The following DPF3 variants were observed in gnomAD, a reference collection of about 807,000 sequenced individuals.
DPF3 encodes double PHD fingers 3.
A neutral mutation model predicts 56.8 loss-of-function variants in DPF3; 18 were observed. That is an observed-to-expected ratio of 0.32 (90% CI 0.22 to 0.47). The LOEUF (loss-of-function observed/expected upper bound fraction) is 0.47. Among genes scored for constraint, DPF3 ranks in the 20% least tolerant of loss-of-function variants. The probability of loss-of-function intolerance (pLI) is 1.00; values close to 1 mark genes in which losing one functional copy is unlikely to be tolerated. For synonymous variants in DPF3, 188 were observed against 180.2 expected, an observed-to-expected ratio of 1.04 and a Z score of -0.35; for missense variants, 403 against 488.8, an observed-to-expected ratio of 0.82 and a Z score of 1.65.
intron 1 of DPF3, among the ~76,000 whole-genome samples, chr14:72,778,186 G>A (rs1891825828): frequency 6.6e-6 from 1 of 152,126 alleles, no homozygotes; most frequent in African/African-American, 2.4e-5. Context: ...TTAAGCCAGG[G>A]GTCCCAAACC....
chr14:72,644,209 G>A (rs1390997009), intron 8 of DPF3, among the ~76,000 whole-genome samples: 1 of 152,142 alleles, frequency 6.6e-6, no homozygotes, highest in Non-Finnish European at 1.5e-5. Context: ...GGAGCTCCAT[G>A]GGAGTACAAC....
At chr14:72,835,425 G>A (rs1376877448) in intron 1 of DPF3, among the ~76,000 whole-genome samples, 1 of 152,202 alleles carries the variant, frequency 6.6e-6, no homozygotes, top group African/African-American at 2.4e-5. Flanking sequence ...GATGGCGGAT[G>A]TACTAACCAC....
At chr14:72,833,406 T>A (rs530334637) in intron 1 of DPF3, among the ~76,000 whole-genome samples, 6 of 152,118 alleles carry the variant, frequency 3.9e-5, no homozygotes, top group Non-Finnish European at 7.4e-5. Context: ...GAGGTCCTGG[T>A]TGGATATACA....
At chr14:72,640,046 T>TAAAAAAAAAAAAAAAAAAAAAAAAAAA (rs370070354) in intron 8 of DPF3, among the ~76,000 whole-genome samples, 19 of 45,262 alleles carry the variant, frequency 4.2e-4, no homozygotes, top group Non-Finnish European at 6.8e-4. Flanking sequence ...GTTTTCTAAG[T>TAAAAAAAAAAAAAAAAAAAAAAAAAAA]AAAAAAAAAA....
intron 1 of DPF3, among the ~76,000 whole-genome samples, chr14:72,863,147 T>TGC (rs1885521664): frequency 1.0e-4 from 1 of 9,992 alleles, no homozygotes; most frequent in Non-Finnish European, 1.9e-4. Context: ...TATATATATA[T>TGC]GTGTGTGTGT....
At chr14:72,737,117 A>C (rs1599396394) in intron 3 of DPF3, among the ~76,000 whole-genome samples, 1 of 152,000 alleles carries the variant, frequency 6.6e-6, no homozygotes, top group Admixed American at 6.6e-5. Flanking sequence ...AAATAAGAAA[A>C]AACCTCCGAG....
At chr14:72,843,624 C>T (rs1313929259) in intron 1 of DPF3, among the ~76,000 whole-genome samples, 1 of 152,226 alleles carries the variant, frequency 6.6e-6, no homozygotes, top group African/African-American at 2.4e-5. Context: ...CTCACTGCAA[C>T]CTCCACCTCC....
intron 7 of DPF3, among the ~76,000 whole-genome samples, chr14:72,680,675 C>T (rs1017771705): frequency 6.6e-6 from 1 of 152,252 alleles, no homozygotes; most frequent in Non-Finnish European, 1.5e-5. Flanking sequence ...TGTCACACTC[C>T]GCACCGTCAA....
chr14:72,804,092 C>A (rs1256871890), intron 1 of DPF3, among the ~76,000 whole-genome samples: 1 of 151,480 alleles, frequency 6.6e-6, no homozygotes, highest in African/African-American at 2.4e-5. Flanking sequence ...CAATGAGGAC[C>A]AAATGACTGG....
rs1567236775 is a variant in DPF3 at position 72,799,844 on chromosome 14, G to A, written c.33-27951C>T. 1.3e-5 allele frequency among the ~76,000 whole-genome samples: 2 copies of A among 152,064 alleles called. 1 individual carries two copies. Among genetic ancestry groups the A allele is most frequent in the South Asian group, 4.1e-4 (2 of 4,824 alleles). On this transcript the variant is annotated intron_variant, in intron 1 of 10. Transcript: ENST00000556509. ...GCAGCTGGGAGCCACCCATCAAGCA[G>A]GCCTGTTTACAAAGGATGCCAATGT...
At chr14:72,640,320 A>G (rs1258835303) in intron 8 of DPF3, among the ~76,000 whole-genome samples, 1 of 152,208 alleles carries the variant, frequency 6.6e-6, no homozygotes, top group African/African-American at 2.4e-5. Context: ...GCTTGTACCC[A>G]TGCTTTAGAG....
chr14:72,767,702 G>A (rs568485908), intron 2 of DPF3, among the ~76,000 whole-genome samples: 1 of 144,132 alleles, frequency 6.9e-6, no homozygotes, highest in Non-Finnish European at 1.5e-5. Flanking sequence ...AGAGGGGAAA[G>A]AGGGTTGAAC....
chr14:72,612,706 C>T lies in DPF3; in HGVS notation c.*6591G>A, dbSNP rs1883813960. ...CATTCTAGCCATAAAAGCTTTGCAT[C>T]CCTTTGATAGCAGAATTGAGACTTT... On this transcript the variant is annotated 3_prime_UTR_variant, in exon 11 of 11. Transcript: ENST00000556509. 1 of 465,262 alleles carries T rather than the reference C, an allele frequency of 2.1e-6. No homozygotes were observed. The highest frequency in any genetic ancestry group is 2.0e-5 in the African/African-American group (1 of 50,176). 28.8% of individuals were successfully genotyped at this position (465,262 alleles called of 1,614,324 possible). A position where few individuals can be genotyped will look rare whatever the true frequency, so the allele number is the denominator to read the frequency against.
At chr14:72,869,045 C>G (rs1885789591) in intron 1 of DPF3, among the ~76,000 whole-genome samples, 1 of 152,162 alleles carries the variant, frequency 6.6e-6, no homozygotes, top group Non-Finnish European at 1.5e-5. Context: ...CTCTCCTGAC[C>G]TCTCTTACCA....
intron 3 of DPF3, among the ~76,000 whole-genome samples, chr14:72,743,569 G>A (rs2139881388): frequency 6.7e-6 from 1 of 148,158 alleles, no homozygotes; most frequent in Middle Eastern, 3.5e-3. Flanking sequence ...ACAAGTAAAA[G>A]TTTGTTCCCA....
chr14:72,805,002 C>G (rs934638328), intron 1 of DPF3, among the ~76,000 whole-genome samples: 1 of 149,586 alleles, frequency 6.7e-6, no homozygotes, highest in Non-Finnish European at 1.5e-5. Context: ...ACTTTCCTCT[C>G]GGAGCTTCAG....
At chr14:72,657,308 A>C (rs1886086197) in intron 8 of DPF3, among the ~76,000 whole-genome samples, 1 of 152,202 alleles carries the variant, frequency 6.6e-6, no homozygotes, top group Non-Finnish European at 1.5e-5. Context: ...CACTTAACTC[A>C]TAAGACCCAA....
At chr14:72,701,930 C>A (rs1888180715) in intron 6 of DPF3, among the ~76,000 whole-genome samples, 1 of 152,210 alleles carries the variant, frequency 6.6e-6, no homozygotes, top group South Asian at 2.1e-4. Flanking sequence ...CCAGACCCCA[C>A]CATGCCTGTC....
chr14:72,658,525 A>C (rs1017065145), intron 8 of DPF3, among the ~76,000 whole-genome samples: 7 of 152,204 alleles, frequency 4.6e-5, no homozygotes, highest in African/African-American at 1.7e-4. Flanking sequence ...GAATAAACTG[A>C]ATTTTTTAAA....
Sources: gnomAD v4.1 joint callset for allele counts (sites outside exome capture counted in the v4.1 genomes callset) on GRCh38, gnomAD v4.1.1 for gene constraint, MANE v1.5 for transcripts, NCBI Gene and HGNC (gene_info 2026-07-23, HGNC 2026-07-21) for gene names.